PHTF1: variants seen among roughly 807,000 people sequenced by gnomAD.
PHTF1 encodes the protein putative homeodomain transcription factor 1.
In PHTF1, 88 loss-of-function variants were observed where a neutral mutation model predicts 102.4. The ratio of observed to expected loss-of-function variants is 0.86; its 90% CI spans 0.72 to 1.03. The LOEUF is 1.03. Among genes scored for constraint, PHTF1 ranks in the 50% least tolerant of loss-of-function variants. The pLI, the probability that PHTF1 is intolerant of heterozygous loss-of-function variation, is 0.00. For synonymous variants in PHTF1, 289 were observed against 305.2 expected, an observed-to-expected ratio of 0.95 and a Z score of 0.55; for missense variants, 814 against 909.5, an observed-to-expected ratio of 0.89 and a Z score of 1.35.
At chr1:113,702,492 C>T (rs1225258964) in intron 15 of PHTF1, among the ~76,000 whole-genome samples, 1 of 151,874 alleles carries the variant, frequency 6.6e-6, no homozygotes, top group Non-Finnish European at 1.5e-5. Flanking sequence ...TGTCTCATGC[C>T]TGTAATCCCA....
intron 5 of PHTF1, among the ~76,000 whole-genome samples, chr1:113,731,902 T>A (rs866957883): frequency 0.011 from 1,222 of 109,288 alleles, 10 homozygotes; most frequent in South Asian, 0.026. Flanking sequence ...GTCTCAATTT[T>A]AAAAAAAAAA....
intron 11 of PHTF1, among the ~76,000 whole-genome samples, 164 bp from the exon 12 acceptor site, chr1:113,706,886 A>G (rs1311319293): frequency 2.8e-5 from 3 of 108,190 alleles, no homozygotes; most frequent in East Asian, 2.5e-4. Flanking sequence ...GAGACAGGGT[A>G]TCACTATGTT....
At chr1:113,735,657 C>T (rs927699392) in intron 5 of PHTF1, among the ~76,000 whole-genome samples, 1 of 152,080 alleles carries the variant, frequency 6.6e-6, no homozygotes, top group Non-Finnish European at 1.5e-5. Flanking sequence ...CTATACTGGG[C>T]AGCACAGACG....
intron 3 of PHTF1, among the ~76,000 whole-genome samples, chr1:113,755,147 T>C (rs972291729): frequency 3.9e-5 from 6 of 152,012 alleles, no homozygotes; most frequent in Non-Finnish European, 7.4e-5. Context: ...GTTAATATTT[T>C]TATTTTAAAA....
At chr1:113,738,443 T>G (rs1489646335) in intron 4 of PHTF1, among the ~76,000 whole-genome samples, 175 bp from the exon 5 acceptor site, 5 of 152,098 alleles carry the variant, frequency 3.3e-5, no homozygotes, top group Non-Finnish European at 7.4e-5. Flanking sequence ...CCTCAATCAC[T>G]AGGACAGAAG....
Position 113,713,547 on chromosome 1 carries a change from C to T in PHTF1, c.624-109G>A, listed in dbSNP as rs902193999. The T allele has an allele frequency of 3.5e-5, 23 of 656,240 alleles. No individual in the cohort carries two copies. In the African/African-American group the frequency reaches 4.0e-4, roughly 12 times the overall value. 40.7% of individuals were successfully genotyped at this position (656,240 alleles called of 1,614,324 possible). A position where few individuals can be genotyped will look rare whatever the true frequency, so the allele number is the denominator to read the frequency against. On this transcript the variant is annotated intron_variant, in intron 7 of 18. Coordinates refer to ENST00000369604, the MANE Select transcript of PHTF1 (RefSeq NM_001323043.2). ...TATTATTCTGGAAATCAAGAAAATGCAGGAATCATATTTTTCAGGACTTTA... is the reference window on the plus strand; with the variant it reads ...TATTATTCTGGAAATCAAGAAAATGTAGGAATCATATTTTTCAGGACTTTA...
chr1:113,738,278 T>A lies in PHTF1; in HGVS notation c.173-10A>T, dbSNP rs769908745. 1.9e-6 allele frequency: 3 copies of A among 1,610,000 alleles called. No homozygotes were observed. Among genetic ancestry groups the A allele is most frequent in the South Asian group, 2.2e-5 (2 of 90,722 alleles). ...TTGGCAAATGTTGACCCTTTAAACA[T>A]ACAATAAAACAAAACATCAAACATT... On this transcript the variant is annotated splice_polypyrimidine_tract_variant and intron_variant, in intron 4 of 18. Transcript: ENST00000369604.
intron 7 of PHTF1, among the ~76,000 whole-genome samples, chr1:113,720,756 A>T (rs1329911287): frequency 6.6e-6 from 1 of 152,166 alleles, no homozygotes; most frequent in Non-Finnish European, 1.5e-5. Context: ...CCCCAGTGAG[A>T]ACTCTATGTG....
intron 3 of PHTF1, among the ~76,000 whole-genome samples, chr1:113,749,988 TTTG>T (rs1418189449): frequency 2.6e-5 from 4 of 152,002 alleles, no homozygotes; most frequent in African/African-American, 9.7e-5. Flanking sequence ...TTTTTTGGGT[TTTG>T]TTTTGTTTTT....
chr1:113,704,596 G>C lies in PHTF1; in HGVS notation c.1803+70C>G, dbSNP rs903025481. 4 of 1,145,308 alleles carry C rather than the reference G, an allele frequency of 3.5e-6. No individual in the cohort carries two copies. In the African/African-American group the frequency reaches 6.2e-5, roughly 18 times the overall value. 70.9% of individuals were successfully genotyped at this position (1,145,308 alleles called of 1,614,324 possible). ...CACCCAGAACTACACTGTCTACTGA[G>C]TAACTGCTGCCAGGAGCTTCAGTGA... On this transcript the variant is annotated intron_variant, in intron 14 of 18. Transcript: ENST00000369604.
intron 7 of PHTF1, chr1:113,714,778 T>C (rs1050912310): frequency 6.6e-6 from 1 of 152,270 alleles, no homozygotes; most frequent in African/African-American, 2.4e-5. Flanking sequence ...TGAGTAAACA[T>C]AGGTGGTAGA....
intron 11 of PHTF1, among the ~76,000 whole-genome samples, chr1:113,707,806 GA>G (rs1168351800): frequency 6.6e-6 from 1 of 152,188 alleles, no homozygotes; most frequent in Non-Finnish European, 1.5e-5. Flanking sequence ...GCATGGTAAG[GA>G]AAGGCAAGAG....
At chr1:113,737,153 A>G (rs982019111) in intron 5 of PHTF1, among the ~76,000 whole-genome samples, 1 of 152,238 alleles carries the variant, frequency 6.6e-6, no homozygotes, top group Non-Finnish European at 1.5e-5. Context: ...ACTTGGTGAC[A>G]TATTACATGT....
In PHTF1 at chr1:113,697,676, C is replaced by A. The variant is rs377635960; in HGVS notation, c.*29G>T. The A allele has an allele frequency of 3.5e-5, 53 of 1,519,856 alleles. No homozygotes were observed. The highest frequency in any genetic ancestry group is 4.7e-5 in the Non-Finnish European group (52 of 1,114,958). The allele number at this position is 1,519,856 out of a possible 1,614,324, so 94.1% of individuals were successfully genotyped here. ...CTTGATAGGTAAGTTTTGATACCAGCCAGGGGAGAGTCCAGGCATTTACTC... is the reference window on the plus strand; with the variant it reads ...CTTGATAGGTAAGTTTTGATACCAGACAGGGGAGAGTCCAGGCATTTACTC... On this transcript the variant is annotated 3_prime_UTR_variant, in exon 19 of 19. Transcript: ENST00000369604.
chr1:113,724,255 C>T (rs1399950977), intron 7 of PHTF1, among the ~76,000 whole-genome samples: 2 of 152,208 alleles, frequency 1.3e-5, no homozygotes, highest in African/African-American at 2.4e-5. Flanking sequence ...GATCCAGCAA[C>T]CCCACTGCTA....
chr1:113,751,755 A>G (rs921451358), intron 3 of PHTF1, among the ~76,000 whole-genome samples: 2 of 152,194 alleles, frequency 1.3e-5, no homozygotes, highest in East Asian at 3.8e-4. Context: ...TAGGAGTGGA[A>G]ATGTTGGGTC....
At chr1:113,743,804 T>C (rs964175844) in intron 3 of PHTF1, among the ~76,000 whole-genome samples, 3 of 152,228 alleles carry the variant, frequency 2.0e-5, no homozygotes, top group African/African-American at 7.2e-5. Context: ...CACATGACTG[T>C]ACTTAAGTTA....
chr1:113,719,357 C>T (rs567276270), intron 7 of PHTF1, among the ~76,000 whole-genome samples: 1 of 152,270 alleles, frequency 6.6e-6, no homozygotes, highest in African/African-American at 2.4e-5. Flanking sequence ...AACTTTTATG[C>T]TCTGCTTCCC....
At chr1:113,710,530 T>A in intron 10 of PHTF1, 55 bp from the exon 11 acceptor site, 1 of 1,346,560 alleles carries the variant, frequency 7.4e-7, no homozygotes, top group Non-Finnish European at 1.0e-6. Context: ...AATAATTACA[T>A]GTGAAATAAA....
Sources: gnomAD v4.1 joint callset for allele counts (sites outside exome capture counted in the v4.1 genomes callset) on GRCh38, gnomAD v4.1.1 for gene constraint, MANE v1.5 for transcripts, NCBI Gene and HGNC (gene_info 2026-07-23, HGNC 2026-07-21) for gene names.